Variants in ZNF540 observed in about 807,000 individuals in gnomAD.
The protein encoded by ZNF540 is CTD-3064H18.6.
In ZNF540, 3 loss-of-function variants were observed where a neutral mutation model predicts 11.8. The observed-to-expected ratio is 0.25, with a 90% confidence interval of 0.12 to 0.65. The LOEUF is 0.65. Among genes scored for constraint, ZNF540 ranks in the 30% least tolerant of loss-of-function variants. The probability of loss-of-function intolerance (pLI) is 0.83; values close to 1 mark genes in which losing one functional copy is unlikely to be tolerated. For missense variants in ZNF540, 709 were observed against 793.1 expected (o/e 0.89, Z 1.27); for synonymous variants, 247 against 259.0 (o/e 0.95, Z 0.45).
intron 1 of ZNF540, among the ~76,000 whole-genome samples, chr19:37,588,416 A>T (rs2043757029): frequency 6.6e-6 from 1 of 152,240 alleles, no homozygotes; most frequent in Non-Finnish European, 1.5e-5. Flanking sequence ...AGCAACACAG[A>T]TGTGGCTAGA....
At chr19:37,559,708 C>T (rs567701689) in intron 1 of ZNF540, among the ~76,000 whole-genome samples, 31 of 152,230 alleles carry the variant, frequency 2.0e-4, no homozygotes, top group African/African-American at 7.0e-4. Context: ...TAATATATCC[C>T]AGTGAAAACT....
intron 1 of ZNF540, among the ~76,000 whole-genome samples, chr19:37,553,670 T>G (rs2042631668): frequency 6.6e-6 from 1 of 152,190 alleles, no homozygotes; most frequent in Admixed American, 6.5e-5. Flanking sequence ...TCCTAGAGGC[T>G]TTCAACATTC....
Position 37,612,546 on chromosome 19 carries a change from T to C in ZNF540, c.1266T>C (p.Tyr422=), listed in dbSNP as rs761869006. Residue 422 remains tyrosine (Y), a synonymous_variant, in exon 5 of 5, where the codon TAT becomes TAC. Coordinates refer to ENST00000316433, the MANE Select transcript of ZNF540 (RefSeq NM_001172225.3). ...AGGTGTGTGAGAAGGCTTTTAGTTA[T>C]AGTGGTGACCTCAGAGTACATTCTA... ...ACKVCEKAFS[Y]SGDLRVHSRI... The C allele has an allele frequency of 2.0e-5, 32 of 1,613,992 alleles. No homozygotes were observed. Among genetic ancestry groups the C allele is most frequent in the Non-Finnish European group, 1.6e-5 (19 of 1,180,010 alleles).
intron 1 of ZNF540, among the ~76,000 whole-genome samples, chr19:37,576,448 C>T (rs2043245332): frequency 6.6e-6 from 1 of 152,148 alleles, no homozygotes; most frequent in African/African-American, 2.4e-5. Context: ...TAATTAGCAG[C>T]TCGTAAAACC....
At chr19:37,586,612 T>G (rs1375692742) in intron 1 of ZNF540, 2 of 1,605,024 alleles carry the variant, frequency 1.2e-6, no homozygotes, top group African/African-American at 2.7e-5. Context: ...AAATCTGGTG[T>G]TCACATTACA....
At chr19:37,586,948 G>C in intron 1 of ZNF540, 1 of 449,440 alleles carries the variant, frequency 2.2e-6, no homozygotes, top group Non-Finnish European at 3.9e-6. Context: ...CCTAGGTGCT[G>C]TTACTTTCCC....
chr19:37,586,126 AT>A (rs1185778623), intron 1 of ZNF540: 1 of 152,700 alleles, frequency 6.5e-6, no homozygotes, highest in Non-Finnish European at 1.5e-5. Context: ...AAGCCACTAA[AT>A]TAGTGGTTAT....
At chr19:37,600,937 C>G in intron 3 of ZNF540, 73 bp from the exon 4 acceptor site, 2 of 1,272,698 alleles carry the variant, frequency 1.6e-6, no homozygotes, top group Non-Finnish European at 2.2e-6. Context: ...ATAAATTTAA[C>G]CAAGTCTCAA....
intron 1 of ZNF540, chr19:37,562,641 A>G (rs2042730700): frequency 6.6e-6 from 1 of 152,190 alleles, no homozygotes; most frequent in Non-Finnish European, 1.5e-5. Context: ...TCTCACCATC[A>G]TTAATTTCTG....
At chr19:37,600,496 C>G (rs541268654) in intron 3 of ZNF540, among the ~76,000 whole-genome samples, 3 of 152,034 alleles carry the variant, frequency 2.0e-5, no homozygotes, top group African/African-American at 7.2e-5. Flanking sequence ...AAATTAACAA[C>G]AACAAAAATA....
chr19:37,594,253 G>A (rs1015808406), upstream of ZNF540: 1 of 152,232 alleles, frequency 6.6e-6, no homozygotes, highest in African/African-American at 2.4e-5. Context: ...GTAACCGCAC[G>A]ATTCTCAGCT....
chr19:37,556,906 C>T (rs569524427), intron 1 of ZNF540, among the ~76,000 whole-genome samples: 1 of 152,104 alleles, frequency 6.6e-6, no homozygotes, highest in Non-Finnish European at 1.5e-5. Context: ...TCTACCTGCC[C>T]AGAGCTCTGG....
At chr19:37,576,588 A>T (rs1238706878) in intron 1 of ZNF540, among the ~76,000 whole-genome samples, 1 of 152,250 alleles carries the variant, frequency 6.6e-6, no homozygotes, top group Admixed American at 6.5e-5. Flanking sequence ...GACTAACCCA[A>T]ATTAACAAAA....
intron 4 of ZNF540, among the ~76,000 whole-genome samples, chr19:37,608,544 G>A (rs2044102170): frequency 6.6e-6 from 1 of 152,084 alleles, no homozygotes; most frequent in South Asian, 2.1e-4. Flanking sequence ...TGCTTGTTTA[G>A]TCTCATCAAA....
chr19:37,603,345 T>C (rs986803915), intron 4 of ZNF540, among the ~76,000 whole-genome samples: 3 of 151,918 alleles, frequency 2.0e-5, no homozygotes, highest in African/African-American at 7.3e-5. Flanking sequence ...AATGATTCTA[T>C]AGAAAGGGGA....
intron 1 of ZNF540, chr19:37,584,211 TG>T: frequency 6.6e-7 from 1 of 1,506,880 alleles, no homozygotes. Context: ...AACAGGAAAT[TG>T]GTTGCCTAAA....
Position 37,612,245 on chromosome 19 carries a change from C to A in ZNF540, c.965C>A (p.Thr322Lys). Residue 322 changes from threonine to lysine, a missense_variant, in exon 5 of 5, where the codon ACA becomes AAA. Coordinates refer to ENST00000316433, the MANE Select transcript of ZNF540 (RefSeq NM_001172225.3). ...TTTAAAGAACATGAGAGAATTCATA[C>A]AGGTAAGAAACCCTATGAATGTAAG... ...FYFKEHERIH[T>K]GKKPYECKEC... 6.2e-7 allele frequency: 1 copy of A among 1,613,720 alleles called. No homozygotes were observed. Among genetic ancestry groups the A allele is most frequent in the East Asian group, 2.2e-5 (1 of 44,862 alleles).
chr19:37,603,445 T>A (rs1004771816), intron 4 of ZNF540, among the ~76,000 whole-genome samples: 1 of 152,202 alleles, frequency 6.6e-6, no homozygotes, highest in Non-Finnish European at 1.5e-5. Flanking sequence ...GAACTATAGA[T>A]ACGACAATGG....
rs2044153674 is a variant in ZNF540, at chr19:37,614,139, A to C, written c.*876A>C. The stretch of plus-strand genomic sequence containing the variant: ...TTTTGTTATGCAGCCCAGATAACTA[A>C]GGCACTCCATTAGAATATAAATAAA... On this transcript the variant is annotated 3_prime_UTR_variant, in exon 5 of 5. Coordinates refer to ENST00000316433, the MANE Select transcript of ZNF540 (RefSeq NM_001172225.3). The C allele has an allele frequency of 5.9e-6, 2 of 340,382 alleles. No homozygotes were observed. Among genetic ancestry groups the C allele is most frequent in the East Asian group, 8.8e-5 (2 of 22,644 alleles). The allele number at this position is 340,382 out of a possible 1,614,324, so 21.1% of individuals were successfully genotyped here. A position where few individuals can be genotyped will look rare whatever the true frequency, so the allele number is the denominator to read the frequency against.
Sources: allele counts gnomAD v4.1 joint callset (sites outside exome capture counted in the v4.1 genomes callset), GRCh38; gene constraint gnomAD v4.1.1; transcripts MANE v1.5; gene names NCBI Gene and HGNC (gene_info 2026-07-23, HGNC 2026-07-21).